Variants in SRBD1 observed in about 807,000 individuals in gnomAD.
SRBD1 encodes S1 RNA binding domain 1, also known as S1 RNA-binding domain-containing protein 1.
A neutral mutation model predicts 115.3 loss-of-function variants in SRBD1; 88 were observed. The ratio of observed to expected loss-of-function variants is 0.76; its 90% CI spans 0.64 to 0.91. The LOEUF (loss-of-function observed/expected upper bound fraction) is 0.91. Among genes scored for constraint, SRBD1 ranks in the 40% least tolerant of loss-of-function variants. The probability of loss-of-function intolerance (pLI) is 0.00; values close to 1 mark genes in which losing one functional copy is unlikely to be tolerated. For synonymous variants in SRBD1, 509 were observed against 407.7 expected (o/e 1.25, Z -2.99); for missense variants, 1,385 against 1,177.4 (o/e 1.18, Z -2.58).
rs370982881 is a variant in SRBD1, at chr2:45,599,843, A to T, written c.262-8T>A. ...AATAGCCACAGAGCTATTCTATCAAACCACAAAGAGAACATATGAGAATTA... is the reference window on the plus strand; with the variant it reads ...AATAGCCACAGAGCTATTCTATCAATCCACAAAGAGAACATATGAGAATTA... On this transcript the variant is annotated splice_region_variant and splice_polypyrimidine_tract_variant and intron_variant, in intron 3 of 20. Transcript: ENST00000263736. 1.2e-5 allele frequency: 19 copies of T among 1,598,710 alleles called. No individual in the cohort carries two copies. Among genetic ancestry groups the T allele is most frequent in the Non-Finnish European group, 1.4e-5 (16 of 1,174,402 alleles).
At chr2:45,608,822 A>AAT (rs1674353249) in intron 1 of SRBD1, among the ~76,000 whole-genome samples, 3 of 143,586 alleles carry the variant, frequency 2.1e-5, no homozygotes, top group Admixed American at 1.4e-4. Context: ...GAAAAAAAAA[A>AAT]TTTTTTTTTT....
intron 18 of SRBD1, among the ~76,000 whole-genome samples, chr2:45,416,477 A>G (rs72880613): frequency 0.01 from 1,599 of 152,324 alleles, 24 homozygotes; most frequent in African/African-American, 0.037. Context: ...ACTAAATTAC[A>G]GCCCATCCAT....
intron 1 of SRBD1, 43 bp from the exon 2 acceptor site, chr2:45,605,484 T>C (rs902067693): frequency 1.2e-5 from 19 of 1,556,580 alleles, no homozygotes; most frequent in Non-Finnish European, 1.7e-5. Context: ...TTGAATATTC[T>C]TATCACTTTA....
chr2:45,573,366 A>G (rs186003421), intron 8 of SRBD1, 24 bp from the exon 9 acceptor site: 1 of 1,587,298 alleles, frequency 6.3e-7, no homozygotes, highest in East Asian at 2.3e-5. Context: ...CAAGTGTTCA[A>G]AAAACAAGCA....
intron 20 of SRBD1, among the ~76,000 whole-genome samples, chr2:45,391,073 T>C (rs1321641023): frequency 6.6e-6 from 1 of 151,810 alleles, no homozygotes; most frequent in Non-Finnish European, 1.5e-5. Context: ...ATTCTTTCTC[T>C]CTCTCTCTTT....
intron 16 of SRBD1, among the ~76,000 whole-genome samples, chr2:45,473,149 G>T (rs1041826989): frequency 6.6e-6 from 1 of 151,732 alleles, no homozygotes; most frequent in Non-Finnish European, 1.5e-5. Flanking sequence ...ACCTTTGGAT[G>T]AAATTATAAA....
At chr2:45,547,428 C>T in intron 13 of SRBD1, 94 bp downstream of exon 13, 1 of 1,069,358 alleles carries the variant, frequency 9.4e-7, no homozygotes, top group Non-Finnish European at 1.4e-6. Flanking sequence ...CACAAAGGCA[C>T]CTCCCTTAAT....
At chr2:45,517,454 T>C (rs1671154495) in intron 14 of SRBD1, among the ~76,000 whole-genome samples, 1 of 152,170 alleles carries the variant, frequency 6.6e-6, no homozygotes, top group Non-Finnish European at 1.5e-5. Context: ...GAAAAAACTG[T>C]GAAATCCTTT....
intron 16 of SRBD1, among the ~76,000 whole-genome samples, chr2:45,445,747 A>T (rs1191914975): frequency 3.9e-5 from 6 of 152,124 alleles, no homozygotes; most frequent in East Asian, 1.9e-4. Context: ...ATACTTTTCA[A>T]CTACTGATAA....
intron 16 of SRBD1, among the ~76,000 whole-genome samples, chr2:45,458,166 T>C (rs1250269861): frequency 2.0e-5 from 3 of 152,130 alleles, no homozygotes; most frequent in East Asian, 1.9e-4. Flanking sequence ...ATTTTGGCAC[T>C]GTAGCTTTTA....
chr2:45,443,435 G>A (rs971754762), intron 16 of SRBD1, among the ~76,000 whole-genome samples: 1 of 152,058 alleles, frequency 6.6e-6, no homozygotes, highest in Admixed American at 6.6e-5. Flanking sequence ...ACAGTACTGC[G>A]GTTTTAATTT....
intron 1 of SRBD1, among the ~76,000 whole-genome samples, chr2:45,610,215 G>A (rs141682968): frequency 2.2e-4 from 34 of 152,234 alleles, no homozygotes; most frequent in African/African-American, 7.9e-4. Context: ...AAACTAGGAC[G>A]ACTGCAAATC....
chr2:45,523,166 T>G (rs915319785), intron 14 of SRBD1, among the ~76,000 whole-genome samples: 2 of 145,810 alleles, frequency 1.4e-5, no homozygotes, highest in African/African-American at 5.1e-5. Flanking sequence ...TACCAAAACT[T>G]AAGAAATAAA....
rs189525759 is a variant in SRBD1, at chr2:45,421,772, G to A, written c.2050-1878C>T. On this transcript the variant is annotated intron_variant, in intron 16 of 20. Transcript: ENST00000263736. ...ATTACATTATTACCATTTAATAACAGCAGAAGCTTTTGTTCTGGAAGACTG... is the reference window on the plus strand; with the variant it reads ...ATTACATTATTACCATTTAATAACAACAGAAGCTTTTGTTCTGGAAGACTG... 4.3e-3 allele frequency among the ~76,000 whole-genome samples: 652 copies of A among 152,202 alleles called. 8 individuals are homozygous for A. Among genetic ancestry groups the A allele is most frequent in the African/African-American group, 0.015 (609 of 41,524 alleles).
In SRBD1 at chr2:45,389,071, A is replaced by G; in HGVS notation, c.*239T>C. On this transcript the variant is annotated 3_prime_UTR_variant, in exon 21 of 21. Transcript: ENST00000263736. ...AAAACAAAATTTTAGTCAGAAAACT[A>G]TTACTACATAAAGCCATATAAGAAT... is the stretch of plus-strand genomic sequence containing the variant. 4 of 453,462 alleles carry G rather than the reference A, an allele frequency of 8.8e-6. No homozygotes were observed. The highest frequency in any genetic ancestry group is 1.5e-5 in the Non-Finnish European group (4 of 263,262). The allele number at this position is 453,462 out of a possible 1,614,324, so 28.1% of individuals were successfully genotyped here.
intron 4 of SRBD1, among the ~76,000 whole-genome samples, chr2:45,587,459 CTT>C (rs1217064305): frequency 6.6e-6 from 1 of 151,998 alleles, no homozygotes; most frequent in Non-Finnish European, 1.5e-5. Context: ...CTAAGCAGCT[CTT>C]TCAAAGTAAA....
intron 16 of SRBD1, 81 bp from the exon 17 acceptor site, chr2:45,419,975 T>C: frequency 1.6e-6 from 2 of 1,240,452 alleles, no homozygotes; most frequent in South Asian, 1.2e-5. Flanking sequence ...ATATTACTGG[T>C]GGTTAGCTAA....
At chr2:45,518,052 G>A (rs975809589) in intron 14 of SRBD1, among the ~76,000 whole-genome samples, 1 of 152,048 alleles carries the variant, frequency 6.6e-6, no homozygotes, top group African/African-American at 2.4e-5. Flanking sequence ...ATGAGAAAGT[G>A]TAATATCATA....
chr2:45,491,065 A>C (rs1670277322), intron 14 of SRBD1, among the ~76,000 whole-genome samples: 1 of 152,142 alleles, frequency 6.6e-6, no homozygotes, highest in Non-Finnish European at 1.5e-5. Flanking sequence ...TAATGAAACA[A>C]ATCAAACTGG....
Sources: allele counts gnomAD v4.1 joint callset (sites outside exome capture counted in the v4.1 genomes callset), GRCh38; gene constraint gnomAD v4.1.1; transcripts MANE v1.5; gene names NCBI Gene and HGNC (gene_info 2026-07-23, HGNC 2026-07-21).